The following FRMD3 variants were observed in gnomAD, a reference collection of about 807,000 sequenced individuals.
FRMD3 encodes the protein FERM domain-containing protein 3.
A neutral mutation model predicts 70.2 loss-of-function variants in FRMD3; 33 were observed. The ratio of observed to expected loss-of-function variants is 0.47; its 90% CI spans 0.36 to 0.63. FRMD3 has a LOEUF of 0.63. Ranked by LOEUF, FRMD3 falls within the 20% of genes least tolerant of loss-of-function variation. FRMD3 has a pLI of 0.00. For missense variants in FRMD3, 632 were observed against 711.4 expected (o/e 0.89, Z 1.27); for synonymous variants, 279 against 255.9 (o/e 1.09, Z -0.86).
At chr9:83,308,128 G>A (rs1025776007) in intron 10 of FRMD3, among the ~76,000 whole-genome samples, 3 of 152,112 alleles carry the variant, frequency 2.0e-5, no homozygotes. Context: ...TATGCTCCTG[G>A]GTTTTCCCAG....
chr9:83,293,664 G>A (rs1053759829), intron 12 of FRMD3, among the ~76,000 whole-genome samples: 2 of 152,212 alleles, frequency 1.3e-5, no homozygotes, highest in African/African-American at 4.8e-5. Flanking sequence ...TCCCAGGTAT[G>A]AGCCTGCCTT....
chr9:83,383,296 A>G (rs1179917027), intron 2 of FRMD3, among the ~76,000 whole-genome samples: 1 of 148,994 alleles, frequency 6.7e-6, no homozygotes, highest in Non-Finnish European at 1.5e-5. Context: ...GTGATATAAT[A>G]AAATTATGTT....
chr9:83,312,363 G>A (rs1360681617), intron 7 of FRMD3, among the ~76,000 whole-genome samples: 1 of 152,162 alleles, frequency 6.6e-6, no homozygotes, highest in Admixed American at 6.5e-5. Flanking sequence ...CCAAAGCCCT[G>A]AGCATCTAAT....
intron 1 of FRMD3, among the ~76,000 whole-genome samples, chr9:83,476,148 C>T (rs1054330551): frequency 2.6e-5 from 4 of 152,178 alleles, no homozygotes; most frequent in African/African-American, 9.7e-5. Context: ...CTTTGGGAGG[C>T]CAAGGCAGGC....
intron 1 of FRMD3, among the ~76,000 whole-genome samples, chr9:83,521,184 G>A (rs1259164933): frequency 6.6e-6 from 1 of 151,588 alleles, no homozygotes; most frequent in Non-Finnish European, 1.5e-5. Flanking sequence ...CCTATATTAA[G>A]AAAGACTTGC....
chr9:83,414,454 C>T (rs1464049426), intron 1 of FRMD3, among the ~76,000 whole-genome samples: 3 of 151,846 alleles, frequency 2.0e-5, no homozygotes, highest in Non-Finnish European at 4.4e-5. Flanking sequence ...ACACAGAAAG[C>T]ACTAACTATA....
intron 1 of FRMD3, among the ~76,000 whole-genome samples, chr9:83,421,507 G>A (rs1000173199): frequency 6.6e-6 from 1 of 152,144 alleles, no homozygotes; most frequent in East Asian, 1.9e-4. Flanking sequence ...ACACAGAAAG[G>A]GGGTAGCAGA....
chr9:83,357,241 ACATACATATATATATATATAT>A (rs1824398978), intron 3 of FRMD3, among the ~76,000 whole-genome samples: 15 of 7,074 alleles, frequency 2.1e-3, no homozygotes, highest in Admixed American at 0.012. Context: ...TATATATAAT[ACATACATATATATATATATAT>A]ATATATATAT....
At chr9:83,370,171 G>C (rs1318496171) in intron 3 of FRMD3, among the ~76,000 whole-genome samples, 1 of 152,146 alleles carries the variant, frequency 6.6e-6, no homozygotes, top group African/African-American at 2.4e-5. Context: ...GAGCATAAAA[G>C]GATGAAGCCA....
chr9:83,418,988 A>G (rs1826540299), intron 1 of FRMD3, among the ~76,000 whole-genome samples: 1 of 152,234 alleles, frequency 6.6e-6, no homozygotes, highest in South Asian at 2.1e-4. Context: ...TTTTGCAGCA[A>G]CTTGGATGGA....
the FRMD3 span, among the ~76,000 whole-genome samples, chr9:83,550,644 T>C: frequency 6.6e-6 from 1 of 151,118 alleles, no homozygotes; most frequent in Non-Finnish European, 1.5e-5. Context: ...GTAATTCTCA[T>C]TGTAGAGATC....
intron 10 of FRMD3, among the ~76,000 whole-genome samples, chr9:83,306,415 C>T (rs1798727043): frequency 6.6e-6 from 1 of 152,144 alleles, no homozygotes; most frequent in African/African-American, 2.4e-5. Flanking sequence ...CTTTTTCTAC[C>T]TCATCTACCC....
chr9:83,440,673 C>T (rs1564078349), intron 1 of FRMD3, among the ~76,000 whole-genome samples: 1 of 152,226 alleles, frequency 6.6e-6, no homozygotes, highest in African/African-American at 2.4e-5. Flanking sequence ...GAGGGAAGCA[C>T]ACTCATTTAG....
At chr9:83,294,853 A>G (rs758547468) in intron 12 of FRMD3, among the ~76,000 whole-genome samples, 19 of 152,184 alleles carry the variant, frequency 1.2e-4, no homozygotes, top group African/African-American at 2.9e-4. Context: ...TTCTGGCTAC[A>G]TGAGGTCCCA....
chr9:83,251,403 G>A (rs971823998), intron 13 of FRMD3, among the ~76,000 whole-genome samples: 1 of 152,156 alleles, frequency 6.6e-6, no homozygotes, highest in African/African-American at 2.4e-5. Flanking sequence ...AGCCCACAAA[G>A]ATGAAAACAA....
chr9:83,483,962 C>T (rs1828628251), intron 1 of FRMD3, among the ~76,000 whole-genome samples: 1 of 152,200 alleles, frequency 6.6e-6, no homozygotes, highest in Admixed American at 6.5e-5. Context: ...AGAAAAGCTT[C>T]TGATTCTAAG....
intron 1 of FRMD3, among the ~76,000 whole-genome samples, chr9:83,403,585 C>T (rs57873233): frequency 0.085 from 12,932 of 152,064 alleles, 622 homozygotes; most frequent in South Asian, 0.2. Flanking sequence ...GAATGTCTTC[C>T]ACTTCATTGG....
intron 13 of FRMD3, among the ~76,000 whole-genome samples, chr9:83,290,123 G>C (rs1485918171): frequency 6.6e-6 from 1 of 152,160 alleles, no homozygotes; most frequent in African/African-American, 2.4e-5. Flanking sequence ...CAATTTAATT[G>C]TGATTACAGT....
intron 1 of FRMD3, among the ~76,000 whole-genome samples, chr9:83,448,610 C>T (rs1203525692): frequency 6.6e-6 from 1 of 152,076 alleles, no homozygotes; most frequent in Non-Finnish European, 1.5e-5. Flanking sequence ...AGAAGAGAAA[C>T]AATTACTCAG....
Sources: allele counts gnomAD v4.1 joint callset (sites outside exome capture counted in the v4.1 genomes callset), GRCh38; gene constraint gnomAD v4.1.1; transcripts MANE v1.5; gene names NCBI Gene and HGNC (gene_info 2026-07-23, HGNC 2026-07-21).